PPP6R1: variants seen among roughly 807,000 people sequenced by gnomAD.
PPP6R1 encodes protein phosphatase 6 regulatory subunit 1.
In PPP6R1, 39 loss-of-function variants were observed where a neutral mutation model predicts 104.6. The ratio of observed to expected loss-of-function variants is 0.37; its 90% CI spans 0.29 to 0.49. The LOEUF is 0.49. Among genes scored for constraint, PPP6R1 ranks in the 20% least tolerant of loss-of-function variants. The pLI, the probability that PPP6R1 is intolerant of heterozygous loss-of-function variation, is 0.98. For synonymous variants in PPP6R1, 549 were observed against 479.0 expected, an observed-to-expected ratio of 1.15 and a Z score of -1.91; for missense variants, 1,181 against 1,155.8, an observed-to-expected ratio of 1.02 and a Z score of -0.32.
chr19:55,242,550 G>A, intron 5 of PPP6R1, 62 bp from the exon 6 acceptor site: 6 of 1,401,810 alleles, frequency 4.3e-6, no homozygotes, highest in Non-Finnish European at 6.1e-6. Flanking sequence ...GCAGCCTGGT[G>A]CTGGGAGCCC....
chr19:55,243,562 G>C (rs927234004), intron 5 of PPP6R1, among the ~76,000 whole-genome samples: 3 of 152,260 alleles, frequency 2.0e-5, no homozygotes, highest in African/African-American at 7.2e-5. Context: ...CTGTTCATGA[G>C]GCAGAGGCAG....
At chr19:55,248,619 A>C (rs1245668392) in intron 1 of PPP6R1, among the ~76,000 whole-genome samples, 1 of 152,144 alleles carries the variant, frequency 6.6e-6, no homozygotes, top group Non-Finnish European at 1.5e-5. Context: ...CAGTTCAGTC[A>C]TTCCCTCTGC....
Position 55,245,887 on chromosome 19 carries a change from C to T in PPP6R1, c.228-209G>A, listed in dbSNP as rs1189325975. Among the ~76,000 whole-genome samples, 2 of 152,148 alleles carry T rather than the reference C, an allele frequency of 1.3e-5. No individual in the cohort carries two copies. Among genetic ancestry groups the T allele is most frequent in the Non-Finnish European group, 2.9e-5 (2 of 68,024 alleles). On this transcript the variant is annotated intron_variant, in intron 2 of 23. Coordinates refer to ENST00000412770, the MANE Select transcript of PPP6R1 (RefSeq NM_014931.4). The surrounding 1 kb of genome is among the most constrained non-coding windows in gnomAD (Gnocchi z 6.4). ...CCACCCTGCTAACACCCAACCATCC[C>T]ATCCTAGGCTCCTTACCACCCCCAA...
intron 15 of PPP6R1, 101 bp from the exon 16 acceptor site, chr19:55,237,071 C>A: frequency 7.9e-7 from 1 of 1,268,748 alleles, no homozygotes; most frequent in Non-Finnish European, 1.1e-6. Flanking sequence ...AGCTGACCCT[C>A]ATTACTTGCA....
chr19:55,247,988 G>A (rs2087524376), intron 1 of PPP6R1, among the ~76,000 whole-genome samples: 1 of 152,208 alleles, frequency 6.6e-6, no homozygotes, highest in South Asian at 2.1e-4. Flanking sequence ...ACAGTGCCTG[G>A]TTCCTCAGCC....
intron 10 of PPP6R1, 104 bp from the exon 11 acceptor site, chr19:55,240,404 C>T: frequency 4.3e-6 from 5 of 1,154,428 alleles, no homozygotes; most frequent in Non-Finnish European, 6.2e-6. Context: ...CTTCACCAGG[C>T]CCCCGCTCAT....
intron 1 of PPP6R1, among the ~76,000 whole-genome samples, chr19:55,252,041 A>C (rs6509938): frequency 0.94 from 143,391 of 152,252 alleles, 67,631 homozygotes; most frequent in African/African-American, 0.99. Flanking sequence ...CAGGCCTCCA[A>C]CTATGTGAAG....
chr19:55,236,558 A>T, intron 17 of PPP6R1, 85 bp downstream of exon 17: 1 of 1,376,274 alleles, frequency 7.3e-7, no homozygotes, highest in Non-Finnish European at 9.6e-7. Flanking sequence ...CATTCACTTC[A>T]GCCTCAGTCC....
chr19:55,241,071 G>A lies in PPP6R1; in HGVS notation c.1170C>T (p.Phe390=), dbSNP rs759658843. 8.4e-6 allele frequency: 13 copies of A among 1,551,642 alleles called. No individual in the cohort carries two copies. The highest frequency in any genetic ancestry group is 3.6e-5 in the South Asian group (3 of 84,066). Reference sequence around the variant, plus strand: ...AGAAGTTGTTGAAGACATAATGGAAGAAGAGGTCCTATGGGAGGACACAGG... The same window carrying A: ...AGAAGTTGTTGAAGACATAATGGAAAAAGAGGTCCTATGGGAGGACACAGG... ...LDVPNTMLDL[F]FHYVFNNFLH... Residue 390 remains phenylalanine (F), a synonymous_variant, in exon 10 of 24, where the codon TTC becomes TTT. Coordinates refer to ENST00000412770, the MANE Select transcript of PPP6R1 (RefSeq NM_014931.4). This position sits in a 1 kb window ranked among gnomAD's most constrained non-coding sequence, Gnocchi z 5.4.
rs761898297 is a variant in PPP6R1, at chr19:55,240,279, C to T, written c.1318G>A (p.Val440Met). The T allele has an allele frequency of 3.1e-6, 5 of 1,593,560 alleles. No homozygotes were observed. In the Admixed American group the frequency reaches 8.7e-5, roughly 28 times the overall value. ...VKHLLQQCRL[V>M]ERILTSWEEN... ...TCCCAGGACGTCAGGATCCGCTCCA[C>T]CAGGCGGCACTGCTGCAGCAGCTGC... Residue 440 changes from valine to methionine, a missense_variant, in exon 11 of 24, where the codon GTG becomes ATG. Val to Met is a conservative substitution (Grantham distance 21). Coordinates refer to ENST00000412770, the MANE Select transcript of PPP6R1 (RefSeq NM_014931.4).
rs1349963744 is a variant in PPP6R1, at chr19:55,241,359, C to G, written c.1041G>C (p.Leu347=). Residue 347 remains leucine, a synonymous_variant, in exon 9 of 24, where the codon CTG becomes CTC. Transcript: ENST00000412770. The surrounding 1 kb of genome is among the most constrained non-coding windows in gnomAD (Gnocchi z 5.4). The part of the protein sequence containing the change: ...LEPLQMTWGM[L]APPLGNTRLH... Reference sequence around the variant, plus strand: ...GCCGCGTGTTGCCCAGAGGCGGAGCCAGCATGCCCCATGTCATCTGTAGCG... The same window carrying G: ...GCCGCGTGTTGCCCAGAGGCGGAGCGAGCATGCCCCATGTCATCTGTAGCG... 6.2e-7 allele frequency: 1 copy of G among 1,611,436 alleles called. No individual in the cohort carries two copies. The highest frequency in any genetic ancestry group is 2.2e-5 in the East Asian group (1 of 44,870).
intron 16 of PPP6R1, 43 bp downstream of exon 16, chr19:55,236,870 C>T: frequency 4.3e-6 from 7 of 1,611,100 alleles, no homozygotes; most frequent in Non-Finnish European, 5.9e-6. Context: ...CACAGCCCCA[C>T]ACCCCTCCAC....
intron 15 of PPP6R1, 62 bp downstream of exon 15, chr19:55,239,343 G>A: frequency 8.7e-6 from 13 of 1,486,812 alleles, no homozygotes; most frequent in Non-Finnish European, 1.2e-5. Context: ...ACAGATACAA[G>A]TAGGCGCGCC....
intron 1 of PPP6R1, among the ~76,000 whole-genome samples, chr19:55,249,461 G>C (rs898452206): frequency 1.3e-5 from 2 of 152,120 alleles, no homozygotes; most frequent in Admixed American, 6.5e-5. Flanking sequence ...GGCTGGCCTT[G>C]AACTCCTAAC....
At chr19:55,248,306 A>T (rs2087527187) in intron 1 of PPP6R1, among the ~76,000 whole-genome samples, 1 of 152,052 alleles carries the variant, frequency 6.6e-6, no homozygotes, top group Non-Finnish European at 1.5e-5. Context: ...GGGCAACCAA[A>T]GCCCGGTAAG....
At chr19:55,234,024 A>G (rs2087372587) in intron 17 of PPP6R1, among the ~76,000 whole-genome samples, 1 of 152,210 alleles carries the variant, frequency 6.6e-6, no homozygotes, top group Admixed American at 6.5e-5. Context: ...ATCTCAGCTC[A>G]CTGCAACCTC....
chr19:55,255,412 T>C (rs753228358), intron 1 of PPP6R1, among the ~76,000 whole-genome samples: 61 of 152,118 alleles, frequency 4.0e-4, no homozygotes, highest in Non-Finnish European at 7.1e-4. Context: ...GCATTCCCAT[T>C]TGACCTCCCC....
Position 55,236,929 on chromosome 19 carries a change from T to C in PPP6R1, c.1793A>G (p.Asn598Ser), listed in dbSNP as rs190508809. The C allele has an allele frequency of 2.0e-4, 323 of 1,613,130 alleles. 1 individual carries two copies. The East Asian group carries it at 2.9e-3, about 14-fold the overall frequency. The change falls in exon 16 of 24, where the codon AAT becomes AGT. Residue 598 changes from asparagine to serine, a missense_variant. This residue lies in a region of PPP6R1 where 1,042 missense variants were observed against 955.6 expected (regional missense o/e 1.09). Coordinates refer to ENST00000412770, the MANE Select transcript of PPP6R1 (RefSeq NM_014931.4). ...AGTACTCACGTTCTCATCGTCAGCA[T>C]TGAGGGAGAAGGTGATGTTGGCTGT... Reference protein sequence around the residue: ...DKTANITFSLNADDENPNANL... With the variant: ...DKTANITFSLSADDENPNANL...
Position 55,241,764 on chromosome 19 carries a change from G to T in PPP6R1, c.846-125C>A. Reference sequence around the variant, plus strand: ...CGAGGAGCCACATGCCCCCAGCGCCGCTCTCTTCTGAGGCCCTTCAGACAA... The same window carrying T: ...CGAGGAGCCACATGCCCCCAGCGCCTCTCTCTTCTGAGGCCCTTCAGACAA... On this transcript the variant is annotated intron_variant, in intron 7 of 23. Coordinates refer to ENST00000412770, the MANE Select transcript of PPP6R1 (RefSeq NM_014931.4). This position sits in a 1 kb window ranked among gnomAD's most constrained non-coding sequence, Gnocchi z 5.4. 8.2e-7 allele frequency: 1 copy of T among 1,212,626 alleles called. No individual in the cohort carries two copies. The highest frequency in any genetic ancestry group is 1.1e-6 in the Non-Finnish European group (1 of 888,378). The allele number at this position is 1,212,626 out of a possible 1,614,324, so 75.1% of individuals were successfully genotyped here.
Sources: allele counts gnomAD v4.1 joint callset (sites outside exome capture counted in the v4.1 genomes callset), GRCh38; gene constraint gnomAD v4.1.1; regional missense constraint gnomAD v4.1.1; non-coding constraint Gnocchi (gnomAD v3.1); transcripts MANE v1.5; gene names NCBI Gene and HGNC (gene_info 2026-07-23, HGNC 2026-07-21).